SAMD12: variants seen among roughly 807,000 people sequenced by gnomAD.
The protein encoded by SAMD12 is sterile alpha motif domain-containing protein 12.
SAMD12 carries 9 observed loss-of-function variants against 15.0 expected under a neutral mutation model. That is an observed-to-expected ratio of 0.60 (90% CI 0.36 to 1.05). The LOEUF (loss-of-function observed/expected upper bound fraction) is 1.05, where lower values mean the gene tolerates loss of function less well. SAMD12 is among the 50% of genes least tolerant of loss of function. The pLI, the probability that SAMD12 is intolerant of heterozygous loss-of-function variation, is 0.01. For missense variants in SAMD12, 230 were observed against 234.2 expected (o/e 0.98, Z 0.12); for synonymous variants, 86 against 90.1 (o/e 0.96, Z 0.25).
intron 4 of SAMD12, among the ~76,000 whole-genome samples, chr8:118,266,921 A>T (rs1319850717): frequency 2.6e-5 from 4 of 152,164 alleles, no homozygotes; most frequent in African/African-American, 9.7e-5. Flanking sequence ...ATTGTACAAC[A>T]TGGTAACTAC....
At chr8:118,167,734 C>T in the SAMD12 span, among the ~76,000 whole-genome samples, 1 of 152,234 alleles carries the variant, frequency 6.6e-6, no homozygotes, top group East Asian at 1.9e-4. Context: ...CCCCTGATTA[C>T]CCACCACCAT....
At chr8:118,447,203 T>C (rs1822940176) in intron 2 of SAMD12, among the ~76,000 whole-genome samples, 2 of 152,200 alleles carry the variant, frequency 1.3e-5, no homozygotes, top group South Asian at 4.1e-4. Context: ...ACAATCCTGA[T>C]TGGAAACACT....
At chr8:118,185,323 T>C (rs17484590), downstream of SAMD12, among the ~76,000 whole-genome samples, 1 of 152,114 alleles carries the variant, frequency 6.6e-6, no homozygotes, top group African/African-American at 2.4e-5. Context: ...CTTGGATTCT[T>C]GTGCACCCAT....
At chr8:118,441,108 G>GTGT (rs566332851) in intron 2 of SAMD12, among the ~76,000 whole-genome samples, 44 of 152,102 alleles carry the variant, frequency 2.9e-4, no homozygotes, top group African/African-American at 1.0e-3. Context: ...GCTGACATGT[G>GTGT]TGTTGTTGTT....
chr8:118,301,610 C>A (rs774276543), intron 4 of SAMD12, among the ~76,000 whole-genome samples: 17 of 152,320 alleles, frequency 1.1e-4, no homozygotes, highest in Non-Finnish European at 2.1e-4. Flanking sequence ...TATGCATAGG[C>A]AAACTGCCTT....
intron 2 of SAMD12, among the ~76,000 whole-genome samples, chr8:118,459,774 A>T (rs1022059515): frequency 1.3e-5 from 2 of 152,208 alleles, no homozygotes; most frequent in African/African-American, 4.8e-5. Flanking sequence ...TAACTAGAAG[A>T]TTCATTCACT....
intron 4 of SAMD12, among the ~76,000 whole-genome samples, chr8:118,269,411 T>C (rs1157890100): frequency 6.6e-6 from 1 of 152,184 alleles, no homozygotes; most frequent in African/African-American, 2.4e-5. Context: ...AACATGTTTA[T>C]TTGTAACTTA....
chr8:118,577,316 A>C (rs1230391458), intron 2 of SAMD12, among the ~76,000 whole-genome samples: 13 of 152,202 alleles, frequency 8.5e-5, no homozygotes, highest in Admixed American at 8.5e-4. Flanking sequence ...AAGATAGAGT[A>C]TTATTCTGCC....
At chr8:118,464,816 G>C (rs569454730) in intron 2 of SAMD12, among the ~76,000 whole-genome samples, 68 of 152,090 alleles carry the variant, frequency 4.5e-4, no homozygotes, top group African/African-American at 1.6e-3. Flanking sequence ...GAGGATATTA[G>C]CCACTCAAAG....
At chr8:118,252,437 T>C (rs28370860) in intron 4 of SAMD12, among the ~76,000 whole-genome samples, 7,269 of 152,206 alleles carry the variant, frequency 0.048, 549 homozygotes, top group African/African-American at 0.16. Context: ...CAGCTTGTCA[T>C]TGGCAGAGCC....
In SAMD12 at chr8:118,463,580, G is replaced by C. The variant is rs78963430; in HGVS notation, c.193-23619C>G. ...CCCAGCCTTGCAGGAACTGGAAGAC[G>C]AATGGGAGAATCCTGATGAAGGGGA... On this transcript the variant is annotated intron_variant, in intron 2 of 3. Coordinates refer to ENST00000314727, the MANE Select transcript of SAMD12 (RefSeq NM_207506.3). 1.7e-3 allele frequency among the ~76,000 whole-genome samples: 262 copies of C among 152,196 alleles called. 1 individual carries two copies. Among genetic ancestry groups the C allele is most frequent in the African/African-American group, 5.7e-3 (236 of 41,534 alleles).
intron 2 of SAMD12, among the ~76,000 whole-genome samples, chr8:118,557,774 G>C (rs1460887698): frequency 6.6e-6 from 1 of 152,168 alleles, no homozygotes; most frequent in Non-Finnish European, 1.5e-5. Context: ...ATATTACCCT[G>C]CCTCTAGAAA....
chr8:118,475,001 G>A (rs1283344655), intron 2 of SAMD12, among the ~76,000 whole-genome samples: 1 of 152,168 alleles, frequency 6.6e-6, no homozygotes, highest in Non-Finnish European at 1.5e-5. Flanking sequence ...CAATTTGGGA[G>A]GCTGAGGTGG....
At chr8:118,154,902 C>T in the SAMD12 span, among the ~76,000 whole-genome samples, 2,188 of 152,206 alleles carry the variant, frequency 0.014, 23 homozygotes, top group Non-Finnish European at 0.023. Flanking sequence ...AACAGCCTAG[C>T]AAGGGACCAG....
chr8:118,168,549 C>A, the SAMD12 span, among the ~76,000 whole-genome samples: 1 of 152,100 alleles, frequency 6.6e-6, no homozygotes, highest in South Asian at 2.1e-4. Context: ...ACATTCTGAC[C>A]CTTTTCTCTT....
At chr8:118,193,355 G>C (rs1371997477) in exon 5 of SAMD12, 2 of 152,146 alleles carry the variant, frequency 1.3e-5, no homozygotes, top group Non-Finnish European at 2.9e-5. Flanking sequence ...TGGAAACAAG[G>C]CTCTCTTTTA....
In SAMD12 at chr8:118,410,495, T is replaced by C. The variant is rs373612585; in HGVS notation, c.322+29337A>G. On this transcript the variant is annotated intron_variant, in intron 3 of 3. Transcript: ENST00000314727. ...CTGAGTGGGTTTGTGTTTTAACTAT[T>C]AGACTTTGCTGTCCACAAAAGCCAA... is the stretch of plus-strand genomic sequence containing the variant. Among the ~76,000 whole-genome samples the C allele has an allele frequency of 9.1e-4, 138 of 152,340 alleles. 6 individuals carry two copies. In the South Asian group the frequency reaches 0.028, roughly 31 times the overall value.
intron 1 of SAMD12, among the ~76,000 whole-genome samples, chr8:118,611,566 TAAAC>T (rs58506579): frequency 0.055 from 8,336 of 152,198 alleles, 448 homozygotes; most frequent in African/African-American, 0.14. Flanking sequence ...AAGCAGGAAA[TAAAC>T]AAACTTCCAA....
Position 118,415,580 on chromosome 8 carries a change from A to C in SAMD12, c.322+24252T>G, listed in dbSNP as rs566870041. Among the ~76,000 whole-genome samples the C allele has an allele frequency of 2.0e-5, 3 of 152,154 alleles. No individual in the cohort carries two copies. The South Asian group carries it at 6.2e-4, about 32-fold the overall frequency. ...GACAAAAGCGTGTAATTAATTGAAAAAGATTTATTTGACTACATGAGAATC... is the reference window on the plus strand; with the variant it reads ...GACAAAAGCGTGTAATTAATTGAAACAGATTTATTTGACTACATGAGAATC... On this transcript the variant is annotated intron_variant, in intron 3 of 3. Coordinates refer to ENST00000314727, the MANE Select transcript of SAMD12 (RefSeq NM_207506.3).
Sources: gnomAD v4.1 joint callset for allele counts (sites outside exome capture counted in the v4.1 genomes callset) on GRCh38, gnomAD v4.1.1 for gene constraint, MANE v1.5 for transcripts, NCBI Gene and HGNC (gene_info 2026-07-23, HGNC 2026-07-21) for gene names.